Variants in ESRRG observed in about 807,000 individuals in gnomAD.
The protein encoded by ESRRG is estrogen related receptor gamma.
A neutral mutation model predicts 44.0 loss-of-function variants in ESRRG; 13 were observed. The observed-to-expected ratio is 0.30, with a 90% confidence interval of 0.19 to 0.47. The LOEUF is 0.47. Among genes scored for constraint, ESRRG ranks in the 20% least tolerant of loss-of-function variants. The pLI, the probability that ESRRG is intolerant of heterozygous loss-of-function variation, is 1.00. For synonymous variants in ESRRG, 215 were observed against 214.6 expected (o/e 1.00, Z -0.02); for missense variants, 395 against 580.6 (o/e 0.68, Z 3.29).
intron 4 of ESRRG, among the ~76,000 whole-genome samples, chr1:216,566,457 A>G (rs2059698410): frequency 6.6e-6 from 1 of 152,202 alleles, no homozygotes; most frequent in African/African-American, 2.4e-5. Flanking sequence ...TTGACAAGCC[A>G]CTTCCCAATT....
intron 2 of ESRRG, among the ~76,000 whole-genome samples, chr1:216,865,556 T>A (rs2096140574): frequency 6.6e-6 from 1 of 152,168 alleles, no homozygotes; most frequent in African/African-American, 2.4e-5. Flanking sequence ...TTTTTGTCTT[T>A]GAAAACTTTG....
chr1:216,979,419 C>A (rs2073547073), intron 1 of ESRRG, among the ~76,000 whole-genome samples: 1 of 152,112 alleles, frequency 6.6e-6, no homozygotes, highest in South Asian at 2.1e-4. Flanking sequence ...TGCCATTTGC[C>A]AGTCACTGTC....
At chr1:216,704,483 C>T (rs2082072667) in intron 1 of ESRRG, among the ~76,000 whole-genome samples, 1 of 152,206 alleles carries the variant, frequency 6.6e-6, no homozygotes, top group African/African-American at 2.4e-5. Context: ...TGCCATTGCA[C>T]TCCAGCCTGG....
intron 2 of ESRRG, among the ~76,000 whole-genome samples, chr1:216,744,217 C>T (rs1331825749): frequency 6.6e-6 from 1 of 151,998 alleles, no homozygotes; most frequent in Non-Finnish European, 1.5e-5. Flanking sequence ...GAACAAACGG[C>T]AATAAAATAA....
At chr1:216,988,737 A>C (rs1432800216) in intron 1 of ESRRG, among the ~76,000 whole-genome samples, 1 of 152,178 alleles carries the variant, frequency 6.6e-6, no homozygotes, top group East Asian at 1.9e-4. Flanking sequence ...TATTCTAGAT[A>C]TCTTCCTAGA....
intron 1 of ESRRG, among the ~76,000 whole-genome samples, chr1:216,964,862 A>G (rs1320344258): frequency 6.6e-6 from 1 of 152,196 alleles, no homozygotes; most frequent in African/African-American, 2.4e-5. Context: ...AGCCATAGAA[A>G]AGAGGCCATG....
intron 1 of ESRRG, among the ~76,000 whole-genome samples, chr1:216,989,372 G>T (rs2075330027): frequency 6.8e-6 from 1 of 146,324 alleles, no homozygotes; most frequent in South Asian, 2.2e-4. Context: ...CAATTGAGCT[G>T]CAGTGAGCCG....
intron 2 of ESRRG, among the ~76,000 whole-genome samples, chr1:216,660,031 TG>T (rs1248599103): frequency 6.6e-6 from 1 of 152,190 alleles, no homozygotes; most frequent in Non-Finnish European, 1.5e-5. Context: ...AGAATAAAAG[TG>T]TTAGCAATTC....
intron 1 of ESRRG, among the ~76,000 whole-genome samples, chr1:216,690,439 G>A (rs945863506): frequency 2.0e-5 from 3 of 152,040 alleles, no homozygotes; most frequent in African/African-American, 7.2e-5. Flanking sequence ...TCCAGAACAA[G>A]GAAAACTAAT....
intron 1 of ESRRG, among the ~76,000 whole-genome samples, chr1:217,135,733 A>G (rs1261235925): frequency 6.6e-6 from 1 of 151,790 alleles, no homozygotes; most frequent in African/African-American, 2.4e-5. Context: ...GAGCAGAAAT[A>G]AAACAAAACA....
At chr1:217,133,974 C>T (rs893008150) in intron 1 of ESRRG, among the ~76,000 whole-genome samples, 7 of 152,096 alleles carry the variant, frequency 4.6e-5, no homozygotes, top group African/African-American at 1.7e-4. Context: ...CCCATATCCC[C>T]GAATGTGGCC....
intron 1 of ESRRG, among the ~76,000 whole-genome samples, chr1:217,019,411 G>A (rs1445677645): frequency 6.6e-6 from 1 of 152,166 alleles, no homozygotes. Context: ...ATGTGTTGGT[G>A]ACATTTGCTC....
intron 2 of ESRRG, among the ~76,000 whole-genome samples, chr1:216,909,493 T>C (rs972907519): frequency 6.6e-6 from 1 of 152,180 alleles, no homozygotes; most frequent in Non-Finnish European, 1.5e-5. Flanking sequence ...TATTTATTTA[T>C]TTGTTTGTTT....
At chr1:216,832,713 T>C (rs1038463940) in intron 2 of ESRRG, among the ~76,000 whole-genome samples, 1 of 152,100 alleles carries the variant, frequency 6.6e-6, no homozygotes, top group East Asian at 1.9e-4. Flanking sequence ...CCGGTAATAC[T>C]AACACTTTGG....
intron 3 of ESRRG, among the ~76,000 whole-genome samples, chr1:216,571,314 G>A (rs1391286819): frequency 6.6e-6 from 1 of 152,004 alleles, no homozygotes; most frequent in Non-Finnish European, 1.5e-5. Flanking sequence ...GTAGTTGTGG[G>A]CACCTGTAAT....
At chr1:216,894,580 A>G (rs897169431) in intron 2 of ESRRG, among the ~76,000 whole-genome samples, 2 of 152,122 alleles carry the variant, frequency 1.3e-5, no homozygotes, top group Admixed American at 1.3e-4. Context: ...GCTATAACTT[A>G]AAGGCTCTCC....
intron 1 of ESRRG, among the ~76,000 whole-genome samples, chr1:217,087,107 A>G (rs1043680566): frequency 2.9e-4 from 44 of 152,218 alleles, no homozygotes; most frequent in African/African-American, 1.1e-3. Context: ...TCTGTGCAGA[A>G]GAAAAAAGAG....
At chr1:217,018,702 A>G (rs1165377020) in intron 1 of ESRRG, among the ~76,000 whole-genome samples, 4 of 152,082 alleles carry the variant, frequency 2.6e-5, no homozygotes, top group East Asian at 1.9e-4. Flanking sequence ...TCCTTCCCCA[A>G]TTAGGTCTGC....
chr1:216,959,234 G>A (rs1560265070), intron 1 of ESRRG, among the ~76,000 whole-genome samples: 1 of 151,922 alleles, frequency 6.6e-6, no homozygotes, highest in Non-Finnish European at 1.5e-5. Flanking sequence ...AGTTTTTAAT[G>A]CTCCAGAAGT....
Sources: allele counts gnomAD v4.1 joint callset (sites outside exome capture counted in the v4.1 genomes callset), GRCh38; gene constraint gnomAD v4.1.1; transcripts MANE v1.5; gene names NCBI Gene and HGNC (gene_info 2026-07-23, HGNC 2026-07-21).